NFILZ: variants seen among roughly 807,000 people sequenced by gnomAD.
NFILZ encodes NFIL3 like basic leucine zipper.
chr19:8,650,115 A>G (rs2042958614), intron 3 of NFILZ, among the ~76,000 whole-genome samples: 1 of 143,044 alleles, frequency 7.0e-6, no homozygotes, highest in African/African-American at 2.7e-5. Context: ...ACTCCGTCTG[A>G]AAAAAAAAAA....
At chr19:8,656,497 C>CCACCTCTTTCCGCAGCCCACCTTCTCCT in intron 3 of NFILZ, among the ~76,000 whole-genome samples, 1 of 68,452 alleles carries the variant, frequency 1.5e-5, no homozygotes, top group South Asian at 4.7e-4. Context: ...CACCTTCTCC[C>CCACCTCTTTCCGCAGCCCACCTTCTCCT]GCAGCCCACC....
chr19:8,646,608 C>T (rs34466575), intron 3 of NFILZ, among the ~76,000 whole-genome samples: 24,900 of 152,120 alleles, frequency 0.16, 2,586 homozygotes, highest in Non-Finnish European at 0.23. Context: ...CCCCGAGGCC[C>T]CTGGGTTAAA....
intron 5 of NFILZ, among the ~76,000 whole-genome samples, 72 bp from the exon 6 acceptor site, chr19:8,676,679 G>T (rs1040643180): frequency 1.3e-5 from 2 of 152,192 alleles, no homozygotes; most frequent in Admixed American, 6.5e-5. Flanking sequence ...GGAGACAAAG[G>T]ATAAATTAGA....
intron 3 of NFILZ, among the ~76,000 whole-genome samples, chr19:8,663,740 G>GTA (rs1600151892): frequency 4.7e-4 from 62 of 131,736 alleles, no homozygotes; most frequent in African/African-American, 1.4e-3. Flanking sequence ...GTGTGTGTGT[G>GTA]TGTGTGTGTG....
chr19:8,667,652 A>G (rs2043068424), intron 3 of NFILZ, among the ~76,000 whole-genome samples: 1 of 151,922 alleles, frequency 6.6e-6, no homozygotes, highest in Non-Finnish European at 1.5e-5. Context: ...GGTTCAAGTG[A>G]TTCTCCTGCC....
At chr19:8,633,031 T>TTG (rs2042877481) in intron 2 of NFILZ, among the ~76,000 whole-genome samples, 1 of 148,494 alleles carries the variant, frequency 6.7e-6, no homozygotes, top group Non-Finnish European at 1.5e-5. Context: ...CTTTTTTTTT[T>TTG]TTTTTTTGAG....
At chr19:8,672,454 CAAA>C (rs143520257) in intron 3 of NFILZ, among the ~76,000 whole-genome samples, 42 of 144,552 alleles carry the variant, frequency 2.9e-4, no homozygotes, top group African/African-American at 1.1e-3. Flanking sequence ...TTAGTTCATT[CAAA>C]AAATCCATGC....
chr19:8,639,810 T>C (rs2042911219), intron 3 of NFILZ, among the ~76,000 whole-genome samples: 3 of 152,090 alleles, frequency 2.0e-5, no homozygotes, highest in South Asian at 2.1e-4. Context: ...TTATATGCGG[T>C]AGGCGTGTGT....
intron 4 of NFILZ, among the ~76,000 whole-genome samples, chr19:8,675,258 C>A (rs557697193): frequency 1.3e-5 from 2 of 152,304 alleles, no homozygotes; most frequent in Admixed American, 1.3e-4. Context: ...TTTAGACAGG[C>A]TCCTTCCGCC....
rs76244498 is a variant in NFILZ at position 8,634,954 on chromosome 19, T to A, written c.-260-696T>A. ...TACTGACAGTGAAACCCATACATAT[T>A]AGTATACGATTCTGTGATATTTGAC... On this transcript the variant is annotated intron_variant, in intron 2 of 5. Transcript: ENST00000691075. Among the ~76,000 whole-genome samples, 709 of 152,112 alleles carry A rather than the reference T, an allele frequency of 4.7e-3. 9 individuals carry two copies. Among genetic ancestry groups the A allele is most frequent in the African/African-American group, 0.016 (677 of 41,488 alleles).
At chr19:8,638,530 A>G (rs1240190479) in intron 3 of NFILZ, 2 of 152,216 alleles carry the variant, frequency 1.3e-5, no homozygotes, top group Non-Finnish European at 2.9e-5. Flanking sequence ...TACGGAACGA[A>G]CACCTCCTGC....
intron 3 of NFILZ, among the ~76,000 whole-genome samples, chr19:8,648,953 A>G (rs1423570417): frequency 6.6e-6 from 1 of 151,634 alleles, no homozygotes; most frequent in African/African-American, 2.4e-5. Context: ...AATTAAGCAT[A>G]TTTATGTATT....
At chr19:8,675,958 C>A (rs1433596160) in intron 4 of NFILZ, among the ~76,000 whole-genome samples, 1 of 152,082 alleles carries the variant, frequency 6.6e-6, no homozygotes, top group African/African-American at 2.4e-5. Flanking sequence ...CTAGTAAAGG[C>A]ACAATGTGAT....
intron 3 of NFILZ, among the ~76,000 whole-genome samples, chr19:8,653,571 C>T (rs558413599): frequency 2.6e-5 from 4 of 152,180 alleles, no homozygotes; most frequent in East Asian, 1.9e-4. Flanking sequence ...TGGAACCAAC[C>T]GGTGTGGCCA....
rs1412928946 is a variant in NFILZ, at chr19:8,680,821, G to GT, written c.*3187dup. Among the ~76,000 whole-genome samples the GT allele has an allele frequency of 1.3e-5, 2 of 152,146 alleles. No homozygotes were observed. The highest frequency in any genetic ancestry group is 2.4e-5 in the African/African-American group (1 of 41,414). ...AGAGATGAAGGGGGGAGTCATGCAT[G>GT]TATCAGAGGAAGAACATTTCCTAGT... On this transcript the variant is annotated 3_prime_UTR_variant, in exon 6 of 6. Transcript: ENST00000691075.
At position 8,647,795 on chromosome 19, in the gene NFILZ, G is replaced by GCACACACACA. The variant is rs879996864; in HGVS notation, c.-164+12082_-164+12091dup. Reference sequence around the variant, plus strand: ...CGCACACATGCGCGCGCGCGCGCGCGCACACACACACACACACACACACAC... The same window carrying GCACACACACA: ...CGCACACATGCGCGCGCGCGCGCGCGCACACACACACACACACACACACACACACACACAC... On this transcript the variant is annotated intron_variant, in intron 3 of 5. Transcript: ENST00000691075. Among the ~76,000 whole-genome samples, 31 of 76,322 alleles carry GCACACACACA rather than the reference G, an allele frequency of 4.1e-4. No homozygotes were observed. In the East Asian group the frequency reaches 7.1e-3, roughly 18 times the overall value. The allele number at this position is 76,322 out of a possible 152,430, so 50.1% of individuals were successfully genotyped here. A position where few individuals can be genotyped will look rare whatever the true frequency, so the allele number is the denominator to read the frequency against.
chr19:8,675,776 C>T (rs142698857), intron 4 of NFILZ, among the ~76,000 whole-genome samples: 55 of 152,116 alleles, frequency 3.6e-4, no homozygotes, highest in African/African-American at 1.3e-3. Flanking sequence ...AAAAAAATTG[C>T]TTTTTTGTTG....
Position 8,653,034 on chromosome 19 carries a change from T to C in NFILZ, c.-164+17288T>C, listed in dbSNP as rs143420590. Among the ~76,000 whole-genome samples the C allele has an allele frequency of 2.3e-3, 133 of 57,402 alleles. 2 individuals are homozygous for C. The highest frequency in any genetic ancestry group is 6.2e-3 in the Admixed American group (29 of 4,702). 37.7% of individuals were successfully genotyped at this position (57,402 alleles called of 152,430 possible). ...TTCCTTTCTTTCTTTCTTTCTTTCTTTCTTTCTCTCTCTCTCTCTCTCTCT... is the reference window on the plus strand; with the variant it reads ...TTCCTTTCTTTCTTTCTTTCTTTCTCTCTTTCTCTCTCTCTCTCTCTCTCT... On this transcript the variant is annotated intron_variant, in intron 3 of 5. Coordinates refer to ENST00000691075, the MANE Select transcript of NFILZ (RefSeq NM_001378600.1).
chr19:8,663,984 A>T (rs1568423452), intron 3 of NFILZ, among the ~76,000 whole-genome samples: 1 of 151,858 alleles, frequency 6.6e-6, no homozygotes, highest in Non-Finnish European at 1.5e-5. Context: ...CCCTGCAGAG[A>T]GGGAAAGGCA....
Sources: gnomAD v4.1 joint callset for allele counts (sites outside exome capture counted in the v4.1 genomes callset) on GRCh38, gnomAD v4.1.1 for gene constraint, MANE v1.5 for transcripts, NCBI Gene and HGNC (gene_info 2026-07-23, HGNC 2026-07-21) for gene names.